The following CRPPA variants were observed in gnomAD, a reference collection of about 807,000 sequenced individuals.
The protein encoded by CRPPA is D-ribitol-5-phosphate cytidylyltransferase.
Under a neutral mutation model 52.0 loss-of-function variants are expected in CRPPA, and 43 were observed. The ratio of observed to expected loss-of-function variants is 0.83; its 90% CI spans 0.65 to 1.07. CRPPA has a LOEUF of 1.07. Among genes scored for constraint, CRPPA ranks in the 50% least tolerant of loss-of-function variants. CRPPA has a pLI of 0.00. For missense variants in CRPPA, 629 were observed against 551.7 expected (o/e 1.14, Z -1.40); for synonymous variants, 250 against 203.5 (o/e 1.23, Z -1.94).
chr7:16,396,984 G>C (rs917573775), intron 2 of CRPPA, among the ~76,000 whole-genome samples: 2 of 152,232 alleles, frequency 1.3e-5, no homozygotes, highest in African/African-American at 4.8e-5. Context: ...GGTGACATGT[G>C]TGACATGACT....
At chr7:16,358,117 G>A (rs1460734671) in intron 3 of CRPPA, among the ~76,000 whole-genome samples, 1 of 152,174 alleles carries the variant, frequency 6.6e-6, no homozygotes, top group Admixed American at 6.5e-5. Flanking sequence ...TACACAGGCA[G>A]AAGCTGGCAG....
intron 9 of CRPPA, among the ~76,000 whole-genome samples, chr7:16,155,620 T>A (rs1016334033): frequency 2.0e-5 from 3 of 152,244 alleles, no homozygotes; most frequent in Non-Finnish European, 4.4e-5. Context: ...ATTTTCTTAA[T>A]AACATTTTCT....
chr7:16,124,957 G>A (rs1357865123), intron 9 of CRPPA, among the ~76,000 whole-genome samples: 3 of 151,776 alleles, frequency 2.0e-5, no homozygotes, highest in Non-Finnish European at 4.4e-5. Flanking sequence ...ACCAAATCAC[G>A]CTACTTTAAA....
chr7:16,354,408 G>A (rs1052164544), intron 3 of CRPPA, among the ~76,000 whole-genome samples: 2 of 152,146 alleles, frequency 1.3e-5, no homozygotes, highest in Non-Finnish European at 2.9e-5. Context: ...AATCAGGTAT[G>A]CAGTAAGTAG....
intron 8 of CRPPA, among the ~76,000 whole-genome samples, chr7:16,254,771 C>CAGAAAGAA (rs373072535): frequency 0.025 from 2,735 of 110,112 alleles, 70 homozygotes; most frequent in East Asian, 0.035. Context: ...GACAGACACA[C>CAGAAAGAA]AGAAAGAAAG....
chr7:16,207,504 G>T (rs1009059234), intron 9 of CRPPA, among the ~76,000 whole-genome samples: 26 of 152,178 alleles, frequency 1.7e-4, no homozygotes, highest in Admixed American at 6.5e-5. Context: ...TGCTTATGCA[G>T]TTTGGATAAT....
chr7:16,154,555 A>T (rs115005520), intron 9 of CRPPA, among the ~76,000 whole-genome samples: 1 of 152,196 alleles, frequency 6.6e-6, no homozygotes, highest in Non-Finnish European at 1.5e-5. Context: ...CTGTTACACA[A>T]TTCTAAGAAT....
In CRPPA at chr7:16,421,166, C is replaced by G; in HGVS notation, c.157G>C (p.Ala53Pro). Residue 53 changes from alanine (A) to proline (P), a missense_variant, in exon 1 of 10, where the codon GCC (alanine) becomes CCC (proline). By Grantham distance (27) the Ala-to-Pro change is conservative. Transcript: ENST00000407010. ...HPQAVAAVLP[A>P]GGCGERMGVP... ...CCCATCCTCTCCCCGCACCCCCCGG[C>G]AGGCAACACAGCTGCCACGGCTTGC... 7.5e-7 allele frequency: 1 copy of G among 1,338,566 alleles called. No homozygotes were observed. The highest frequency in any genetic ancestry group is 9.6e-7 in the Non-Finnish European group (1 of 1,039,466). The allele number at this position is 1,338,566 out of a possible 1,614,324, so 82.9% of individuals were successfully genotyped here. A position where few individuals can be genotyped will look rare whatever the true frequency, so the allele number is the denominator to read the frequency against.
intron 3 of CRPPA, among the ~76,000 whole-genome samples, chr7:16,374,185 A>G (rs1445664381): frequency 6.6e-6 from 1 of 152,092 alleles, no homozygotes; most frequent in Non-Finnish European, 1.5e-5. Flanking sequence ...GGACAATTCA[A>G]TTGGTTGCCA....
chr7:16,374,515 T>C, intron 3 of CRPPA, among the ~76,000 whole-genome samples: 1 of 152,188 alleles, frequency 6.6e-6, no homozygotes, highest in Admixed American at 6.5e-5. Context: ...ATTAGTTCTG[T>C]TCCTCTGGAG....
rs1781827145 is a variant in CRPPA at position 16,091,068 on chromosome 7, C to CA, written c.*626dup. 1 of 152,008 alleles carries CA rather than the reference C, an allele frequency of 6.6e-6. No homozygotes were observed. Among genetic ancestry groups the CA allele is most frequent in the African/African-American group, 2.4e-5 (1 of 41,384 alleles). 9.4% of individuals were successfully genotyped at this position (152,008 alleles called of 1,614,324 possible). On this transcript the variant is annotated 3_prime_UTR_variant, in exon 10 of 10. Transcript: ENST00000407010. The stretch of plus-strand genomic sequence containing the variant: ...TAAGTCATAATTATAGTTCATAAAC[C>CA]AAAAATAACATACAATTTAAAAACA...
intron 6 of CRPPA, among the ~76,000 whole-genome samples, chr7:16,261,420 G>A (rs1783795143): frequency 6.6e-6 from 1 of 151,948 alleles, no homozygotes; most frequent in African/African-American, 2.4e-5. Flanking sequence ...CAATCATGCT[G>A]TTTTAAATCT....
intron 9 of CRPPA, among the ~76,000 whole-genome samples, chr7:16,167,159 C>T (rs62440372): frequency 0.29 from 43,697 of 152,078 alleles, 8,074 homozygotes; most frequent in Admixed American, 0.4. Context: ...ATCTCCTGAT[C>T]TCGTGATCAG....
At chr7:16,245,734 T>A (rs1783254751) in intron 8 of CRPPA, among the ~76,000 whole-genome samples, 1 of 152,112 alleles carries the variant, frequency 6.6e-6, no homozygotes, top group South Asian at 2.1e-4. Flanking sequence ...ATAAAGCAAA[T>A]ATCACAATGA....
At position 16,308,549 on chromosome 7, in the gene CRPPA, C is replaced by A. The variant is rs1177058609; in HGVS notation, c.763G>T (p.Val255Leu). The change falls in exon 4 of 10, where the codon GTA becomes TTA. Residue 255 changes from valine (V) to leucine (L), a missense_variant. Coordinates refer to ENST00000407010, the MANE Select transcript of CRPPA (RefSeq NM_001101426.4). The part of the protein sequence containing the change: ...LKYCCTKAKL[V>L]EGSPDLWKVT... ...TTCCAGAGGTCAGGTGATCCTTCTACAAGTTTGGCTTTAGTGCAACAGTAT... is the reference window on the plus strand; with the variant it reads ...TTCCAGAGGTCAGGTGATCCTTCTAAAAGTTTGGCTTTAGTGCAACAGTAT... 1.9e-6 allele frequency: 3 copies of A among 1,608,258 alleles called. No individual in the cohort carries two copies. The highest frequency in any genetic ancestry group is 2.6e-6 in the Non-Finnish European group (3 of 1,176,264).
At chr7:16,385,059 G>C (rs1020446832) in intron 2 of CRPPA, among the ~76,000 whole-genome samples, 3 of 152,084 alleles carry the variant, frequency 2.0e-5, no homozygotes, top group Non-Finnish European at 4.4e-5. Context: ...TCAGTGACAG[G>C]CTTGAACTAG....
chr7:16,284,302 A>G (rs1003556517), intron 5 of CRPPA, among the ~76,000 whole-genome samples: 1 of 152,238 alleles, frequency 6.6e-6, no homozygotes, highest in African/African-American at 2.4e-5. Flanking sequence ...CATTTTAAAA[A>G]TAGACATATA....
intron 1 of CRPPA, among the ~76,000 whole-genome samples, chr7:16,420,810 C>G (rs1178388755): frequency 6.6e-6 from 1 of 152,134 alleles, no homozygotes; most frequent in East Asian, 1.9e-4. Flanking sequence ...CGGCGCCACA[C>G]GACGGGCCTT....
intron 5 of CRPPA, among the ~76,000 whole-genome samples, chr7:16,299,382 T>A (rs1784741642): frequency 6.6e-6 from 1 of 152,162 alleles, no homozygotes; most frequent in African/African-American, 2.4e-5. Context: ...AATAAACCTA[T>A]AAAAGACTGA....
Sources: allele counts gnomAD v4.1 joint callset (sites outside exome capture counted in the v4.1 genomes callset), GRCh38; gene constraint gnomAD v4.1.1; transcripts MANE v1.5; gene names NCBI Gene and HGNC (gene_info 2026-07-23, HGNC 2026-07-21).